The following ARHGEF7 variants were observed in gnomAD, a reference collection of about 807,000 sequenced individuals.
The protein encoded by ARHGEF7 is Rho guanine nucleotide exchange factor 7.
Under a neutral mutation model 109.8 loss-of-function variants are expected in ARHGEF7, and 33 were observed. The observed-to-expected ratio is 0.30, with a 90% confidence interval of 0.23 to 0.40. ARHGEF7 has a LOEUF of 0.40. ARHGEF7 is among the 10% of genes least tolerant of loss of function. ARHGEF7 has a pLI of 1.00. For synonymous variants in ARHGEF7, 458 were observed against 424.6 expected, an observed-to-expected ratio of 1.08 and a Z score of -0.97; for missense variants, 938 against 1,098.5, an observed-to-expected ratio of 0.85 and a Z score of 2.07.
chr13:111,240,120 C>T (rs1051113624), intron 6 of ARHGEF7, among the ~76,000 whole-genome samples: 6 of 152,122 alleles, frequency 3.9e-5, no homozygotes, highest in East Asian at 3.9e-4. Flanking sequence ...AGTGGTGGAG[C>T]GCAGCTGGGA....
At chr13:111,215,404 A>G (rs2083002888) in intron 4 of ARHGEF7, among the ~76,000 whole-genome samples, 1 of 151,016 alleles carries the variant, frequency 6.6e-6, no homozygotes, top group Non-Finnish European at 1.5e-5. Flanking sequence ...TTGGGGTGAT[A>G]TCAATGTGGA....
chr13:111,171,946 A>G (rs1343597370), intron 2 of ARHGEF7, among the ~76,000 whole-genome samples: 1 of 152,188 alleles, frequency 6.6e-6, no homozygotes, highest in Non-Finnish European at 1.5e-5. Flanking sequence ...CTCACCAAAT[A>G]CTGAATCAGT....
chr13:111,181,458 G>A (rs1235191681), intron 2 of ARHGEF7, among the ~76,000 whole-genome samples: 1 of 152,212 alleles, frequency 6.6e-6, no homozygotes, highest in Non-Finnish European at 1.5e-5. Context: ...ATGGGACAAA[G>A]TCATGAGATC....
At chr13:111,270,543 T>C (rs1002778347) in intron 9 of ARHGEF7, among the ~76,000 whole-genome samples, 2 of 152,170 alleles carry the variant, frequency 1.3e-5, no homozygotes, top group African/African-American at 2.4e-5. Context: ...TTAGAAGGAG[T>C]TTTGCTTGCA....
chr13:111,178,686 G>C (rs1014941735), intron 2 of ARHGEF7, among the ~76,000 whole-genome samples: 8 of 152,342 alleles, frequency 5.3e-5, no homozygotes, highest in African/African-American at 1.7e-4. Flanking sequence ...GCAGCTGCCG[G>C]TACCCACCCA....
chr13:111,296,257 G>T (rs1197110668), intron 19 of ARHGEF7, among the ~76,000 whole-genome samples: 1 of 151,888 alleles, frequency 6.6e-6, no homozygotes, highest in Non-Finnish European at 1.5e-5. Context: ...TGGGGTGGGG[G>T]AGGGGCAGGG....
At chr13:111,185,834 T>C (rs2153436513) in intron 2 of ARHGEF7, among the ~76,000 whole-genome samples, 1 of 152,270 alleles carries the variant, frequency 6.6e-6, no homozygotes, top group East Asian at 1.9e-4. Context: ...GCATGACCGC[T>C]GTGGGACACC....
chr13:111,280,485 C>T (rs1041035415), intron 14 of ARHGEF7, 53 bp from the exon 15 acceptor site: 2 of 1,577,102 alleles, frequency 1.3e-6, no homozygotes, highest in Non-Finnish European at 1.7e-6. Context: ...TGTGCACGCA[C>T]GTGCTTTTTA....
rs371438406 is a variant in ARHGEF7 at position 111,249,662 on chromosome 13, C to G, written c.950+5368C>G. Among the ~76,000 whole-genome samples, 4 of 152,032 alleles carry G rather than the reference C, an allele frequency of 2.6e-5. No individual in the cohort carries two copies. In the East Asian group the frequency reaches 5.8e-4, roughly 22 times the overall value. ...AAGATAAGCTGGTACTTGACATTGC[C>G]AGGGTGAGATACAATAGAACTCGGT... On this transcript the variant is annotated intron_variant, in intron 8 of 21. Transcript: ENST00000646102.
chr13:111,221,500 T>TATAGATATATATAGAC (rs1555372674), intron 5 of ARHGEF7, among the ~76,000 whole-genome samples: 47 of 81,830 alleles, frequency 5.7e-4, no homozygotes, highest in South Asian at 2.2e-3. Flanking sequence ...GACATATATA[T>TATAGATATATATAGAC]ATCTATATAT....
chr13:111,288,021 G>A (rs1279039724), intron 17 of ARHGEF7, among the ~76,000 whole-genome samples: 1 of 152,186 alleles, frequency 6.6e-6, no homozygotes, highest in Non-Finnish European at 1.5e-5. Context: ...AACTCTTCTT[G>A]TTTTGTGACT....
At chr13:111,119,542 T>C (rs1037577745) in intron 1 of ARHGEF7, among the ~76,000 whole-genome samples, 1 of 152,042 alleles carries the variant, frequency 6.6e-6, no homozygotes, top group Admixed American at 6.5e-5. Flanking sequence ...CAGATATGGA[T>C]GAGAAGGAGC....
At position 111,304,520 on chromosome 13, in the gene ARHGEF7, G is replaced by C. The variant is rs181045224; in HGVS notation, c.*1407G>C. 6.6e-6 allele frequency: 1 copy of C among 152,200 alleles called. No homozygotes were observed. The highest frequency in any genetic ancestry group is 2.4e-5 in the African/African-American group (1 of 41,430). 9.4% of individuals were successfully genotyped at this position (152,200 alleles called of 1,614,324 possible). On this transcript the variant is annotated 3_prime_UTR_variant, in exon 22 of 22. Coordinates refer to ENST00000646102, the MANE Select transcript of ARHGEF7 (RefSeq NM_001354046.2). Reference sequence around the variant, plus strand: ...TACTGGTCTCAGAACAACTCATTGCGCATCAGATTTGACTCTCTGATTTTC... The same window carrying C: ...TACTGGTCTCAGAACAACTCATTGCCCATCAGATTTGACTCTCTGATTTTC...
intron 21 of ARHGEF7, among the ~76,000 whole-genome samples, chr13:111,302,449 T>C (rs932469956): frequency 2.6e-5 from 4 of 152,364 alleles, no homozygotes; most frequent in African/African-American, 7.2e-5. Context: ...TTCTAAGCAG[T>C]GTCCGCAGGT....
intron 19 of ARHGEF7, chr13:111,293,668 A>G (rs2093356140): frequency 1.0e-6 from 1 of 985,308 alleles, no homozygotes. Context: ...TTAAGTATTC[A>G]TTGAAACCAG....
chr13:111,270,385 G>A (rs1313757516), intron 9 of ARHGEF7, among the ~76,000 whole-genome samples: 2 of 151,902 alleles, frequency 1.3e-5, no homozygotes, highest in African/African-American at 4.8e-5. Context: ...CAGAGTAGCT[G>A]TAACTAGCTG....
At chr13:111,183,833 G>C (rs1410232994) in intron 2 of ARHGEF7, among the ~76,000 whole-genome samples, 2 of 151,998 alleles carry the variant, frequency 1.3e-5, no homozygotes, top group Non-Finnish European at 2.9e-5. Context: ...AGTATTTCTT[G>C]ACTTGTCATC....
intron 8 of ARHGEF7, among the ~76,000 whole-genome samples, chr13:111,265,925 G>A (rs1332208846): frequency 6.6e-6 from 1 of 152,196 alleles, no homozygotes; most frequent in Non-Finnish European, 1.5e-5. Context: ...GCGGTGTTCT[G>A]TTCCCAGCAG....
intron 18 of ARHGEF7, among the ~76,000 whole-genome samples, chr13:111,291,891 A>G (rs2093298448): frequency 6.6e-6 from 1 of 152,230 alleles, no homozygotes; most frequent in Non-Finnish European, 1.5e-5. Context: ...TAATTAGATA[A>G]TAATCGATCT....
Sources: gnomAD v4.1 joint callset for allele counts (sites outside exome capture counted in the v4.1 genomes callset) on GRCh38, gnomAD v4.1.1 for gene constraint, MANE v1.5 for transcripts, NCBI Gene and HGNC (gene_info 2026-07-23, HGNC 2026-07-21) for gene names.